The following CPVL variants were observed in gnomAD, a reference collection of about 807,000 sequenced individuals.
The protein encoded by CPVL is probable serine carboxypeptidase CPVL.
Under a neutral mutation model 63.7 loss-of-function variants are expected in CPVL, and 51 were observed. That is an observed-to-expected ratio of 0.80 (90% confidence interval 0.64 to 1.01). The LOEUF is 1.01. CPVL is among the 50% of genes least tolerant of loss of function. The pLI, the probability that CPVL is intolerant of heterozygous loss-of-function variation, is 0.00. For missense variants in CPVL, 530 were observed against 573.1 expected (o/e 0.92, Z 0.77); for synonymous variants, 195 against 206.0 (o/e 0.95, Z 0.46).
chr7:29,159,594 C>T (rs1794901099), intron 5 of CPVL, among the ~76,000 whole-genome samples: 1 of 152,146 alleles, frequency 6.6e-6, no homozygotes, highest in South Asian at 2.1e-4. Context: ...CCTCTTCCCA[C>T]ACAAGTCTTA....
chr7:29,050,003 C>A (rs1297427258), intron 11 of CPVL, among the ~76,000 whole-genome samples: 2 of 152,018 alleles, frequency 1.3e-5, no homozygotes, highest in Non-Finnish European at 2.9e-5. Context: ...AATTGGCATA[C>A]AAGGGACATA....
chr7:29,112,195 G>A (rs1301720222), intron 3 of CPVL, among the ~76,000 whole-genome samples: 2 of 152,060 alleles, frequency 1.3e-5, no homozygotes, highest in Non-Finnish European at 2.9e-5. Context: ...TGTCTCCTCT[G>A]TGGCCCCCAC....
intron 11 of CPVL, among the ~76,000 whole-genome samples, chr7:29,059,272 T>A (rs891495779): frequency 4.6e-5 from 7 of 152,154 alleles, no homozygotes; most frequent in African/African-American, 1.7e-4. Context: ...TCTCCATATC[T>A]CTATTTTCAA....
intron 2 of CPVL, among the ~76,000 whole-genome samples, chr7:29,114,799 T>G (rs1396390056): frequency 6.6e-6 from 1 of 152,162 alleles, no homozygotes; most frequent in Non-Finnish European, 1.5e-5. Context: ...GTACTGCCTG[T>G]GGGCCACCTG....
intron 1 of CPVL, among the ~76,000 whole-genome samples, chr7:29,143,032 G>A (rs866857954): frequency 6.6e-6 from 1 of 151,806 alleles, no homozygotes; most frequent in Non-Finnish European, 1.5e-5. Context: ...CTCCAATTTA[G>A]CCTAACACTG....
intron 1 of CPVL, among the ~76,000 whole-genome samples, chr7:29,134,379 T>C (rs940232407): frequency 6.6e-6 from 1 of 152,214 alleles, no homozygotes; most frequent in Non-Finnish European, 1.5e-5. Flanking sequence ...CAACCAGCAA[T>C]TTAGTTTCTC....
intron 7 of CPVL, among the ~76,000 whole-genome samples, chr7:29,078,839 TA>T (rs1446633967): frequency 6.6e-6 from 1 of 152,228 alleles, no homozygotes; most frequent in African/African-American, 2.4e-5. Context: ...GGTTGCAGCT[TA>T]AACCCTGATT....
intron 12 of CPVL, among the ~76,000 whole-genome samples, chr7:28,997,586 G>A (rs531878515): frequency 6.6e-6 from 1 of 152,290 alleles, no homozygotes; most frequent in South Asian, 2.1e-4. Context: ...TGAGCATTGA[G>A]ATGACTGAGC....
intron 7 of CPVL, 66 bp downstream of exon 7, chr7:29,086,416 CTA>C (rs1256080837): frequency 9.1e-7 from 1 of 1,102,260 alleles, no homozygotes; most frequent in African/African-American, 1.6e-5. Flanking sequence ...AATGAACAAA[CTA>C]CACTCATAAT....
At position 29,013,683 on chromosome 7, in the gene CPVL, T is replaced by C. The variant is rs369651717; in HGVS notation, c.1320+16894A>G. Among the ~76,000 whole-genome samples the C allele has an allele frequency of 9.2e-5, 14 of 152,302 alleles. No homozygotes were observed. In the East Asian group the frequency reaches 1.5e-3, roughly 17 times the overall value. On this transcript the variant is annotated intron_variant, in intron 12 of 12. Coordinates refer to ENST00000265394, the MANE Select transcript of CPVL (RefSeq NM_031311.5). ...AGCAAGTACATTATCTGGGTGGCCTTTGTGGTAGACATAGAGATGCACCCC... is the reference window on the plus strand; with the variant it reads ...AGCAAGTACATTATCTGGGTGGCCTCTGTGGTAGACATAGAGATGCACCCC...
intron 5 of CPVL, among the ~76,000 whole-genome samples, chr7:29,158,963 C>T (rs751334564): frequency 6.6e-6 from 1 of 152,162 alleles, no homozygotes; most frequent in Non-Finnish European, 1.5e-5. Flanking sequence ...AGATACCCTG[C>T]GGCAATCGAA....
intron 9 of CPVL, among the ~76,000 whole-genome samples, chr7:29,070,305 C>T (rs1783614306): frequency 6.6e-6 from 1 of 152,186 alleles, no homozygotes; most frequent in Admixed American, 6.5e-5. Context: ...GTTTAGCCTG[C>T]TGCATTATGT....
At chr7:29,113,514 T>G (rs1206058180) in intron 2 of CPVL, among the ~76,000 whole-genome samples, 1 of 151,118 alleles carries the variant, frequency 6.6e-6, no homozygotes, top group Non-Finnish European at 1.5e-5. Context: ...AGGGAAGGAG[T>G]AATTGGGGAT....
chr7:29,133,433 T>C (rs1584360520), intron 1 of CPVL, among the ~76,000 whole-genome samples: 2 of 152,258 alleles, frequency 1.3e-5, no homozygotes, highest in East Asian at 3.8e-4. Flanking sequence ...AAGTCTATCC[T>C]TGGCCCACAG....
intron 2 of CPVL, among the ~76,000 whole-genome samples, chr7:29,119,915 A>G (rs1431598652): frequency 1.3e-5 from 2 of 152,098 alleles, no homozygotes; most frequent in Non-Finnish European, 2.9e-5. Context: ...CGGGATGTTG[A>G]GATGTTTAAA....
chr7:29,061,368 G>C (rs1165763234), intron 11 of CPVL, among the ~76,000 whole-genome samples: 1 of 151,998 alleles, frequency 6.6e-6, no homozygotes, highest in East Asian at 1.9e-4. Flanking sequence ...AGCCGAGATC[G>C]TGCCACTGCA....
chr7:28,997,706 C>A (rs1194317744), intron 12 of CPVL, among the ~76,000 whole-genome samples: 1 of 151,280 alleles, frequency 6.6e-6, no homozygotes, highest in Non-Finnish European at 1.5e-5. Flanking sequence ...TTAATCAAAC[C>A]CTCTACTCAA....
At chr7:29,120,818 C>CAAAAA (rs375039373) in intron 2 of CPVL, 75 bp downstream of exon 2, 18 of 990,392 alleles carry the variant, frequency 1.8e-5, no homozygotes, top group South Asian at 1.2e-4. Flanking sequence ...GACTTCGTCT[C>CAAAAA]AAAAAAAAAA....
intron 12 of CPVL, among the ~76,000 whole-genome samples, chr7:29,029,623 A>G (rs1413436324): frequency 6.6e-6 from 1 of 152,190 alleles, no homozygotes; most frequent in Non-Finnish European, 1.5e-5. Flanking sequence ...GAGGTAGAGA[A>G]TAGAATGATA....
Sources: gnomAD v4.1 joint callset for allele counts (sites outside exome capture counted in the v4.1 genomes callset) on GRCh38, gnomAD v4.1.1 for gene constraint, MANE v1.5 for transcripts, NCBI Gene and HGNC (gene_info 2026-07-23, HGNC 2026-07-21) for gene names.